The following ENTREP2 variants were observed in gnomAD, a reference collection of about 807,000 sequenced individuals.
ENTREP2 encodes the protein protein ENTREP2.
the ENTREP2 span, among the ~76,000 whole-genome samples, chr15:29,642,884 T>A: frequency 6.6e-6 from 1 of 152,146 alleles, no homozygotes; most frequent in Non-Finnish European, 1.5e-5. Context: ...AGTGCAGGGA[T>A]TACAGGCATG....
the ENTREP2 span, among the ~76,000 whole-genome samples, chr15:29,515,249 G>A: frequency 6.6e-6 from 1 of 152,184 alleles, no homozygotes; most frequent in Admixed American, 6.5e-5. Context: ...CCCGAGGACT[G>A]CTTTCTGGAG....
the ENTREP2 span, among the ~76,000 whole-genome samples, chr15:29,657,188 C>A: frequency 6.6e-6 from 1 of 151,914 alleles, no homozygotes; most frequent in African/African-American, 2.4e-5. Context: ...GCTGGGACTA[C>A]ACGCGCCCAC....
the ENTREP2 span, among the ~76,000 whole-genome samples, chr15:29,527,221 T>C: frequency 1.3e-5 from 2 of 152,186 alleles, no homozygotes; most frequent in African/African-American, 4.8e-5. Context: ...CTGCATCCAA[T>C]GCCATCCGTA....
chr15:29,335,377 C>A, the ENTREP2 span, among the ~76,000 whole-genome samples: 2 of 152,224 alleles, frequency 1.3e-5, no homozygotes, highest in Admixed American at 1.3e-4. Context: ...CAAACCACAT[C>A]ATACTCTGTG....
chr15:29,176,408 G>A, the ENTREP2 span, among the ~76,000 whole-genome samples: 2 of 152,182 alleles, frequency 1.3e-5, no homozygotes, highest in African/African-American at 2.4e-5. Flanking sequence ...GGGGCCATGA[G>A]GGGCAGGCTC....
the ENTREP2 span, among the ~76,000 whole-genome samples, chr15:29,614,742 G>C: frequency 7.2e-5 from 11 of 152,318 alleles, no homozygotes; most frequent in Admixed American, 2.6e-4. Flanking sequence ...GCACTGGGAA[G>C]GTAGAAGGTG....
the ENTREP2 span, among the ~76,000 whole-genome samples, chr15:29,203,292 C>G: frequency 0.024 from 3,653 of 152,250 alleles, 132 homozygotes; most frequent in African/African-American, 0.084. Flanking sequence ...GTTCCAGCTA[C>G]TGGGGAGGCT....
the ENTREP2 span, among the ~76,000 whole-genome samples, chr15:29,550,118 G>C: frequency 6.6e-6 from 1 of 152,142 alleles, no homozygotes; most frequent in Admixed American, 6.5e-5. Flanking sequence ...GACTTACTGT[G>C]GGGACATATC....
At chr15:29,667,223 C>T in the ENTREP2 span, among the ~76,000 whole-genome samples, 6 of 151,332 alleles carry the variant, frequency 4.0e-5, no homozygotes, top group African/African-American at 7.3e-5. Flanking sequence ...AGTCTCACTC[C>T]GTCTCCCAGG....
chr15:29,199,612 A>G, the ENTREP2 span, among the ~76,000 whole-genome samples: 2 of 152,230 alleles, frequency 1.3e-5, no homozygotes, highest in East Asian at 3.9e-4. Flanking sequence ...ATTTTAACTC[A>G]GCATAAAAGA....
the ENTREP2 span, among the ~76,000 whole-genome samples, chr15:29,263,469 G>A: frequency 6.6e-6 from 1 of 152,244 alleles, no homozygotes; most frequent in Non-Finnish European, 1.5e-5. Context: ...AGAAAAGCCA[G>A]TTATGTGGGA....
the ENTREP2 span, among the ~76,000 whole-genome samples, chr15:29,141,519 G>A: frequency 1.4e-4 from 22 of 152,142 alleles, no homozygotes; most frequent in African/African-American, 4.1e-4. Context: ...CAGAAACACC[G>A]TGGAGCTCTG....
At chr15:29,217,702 C>T in the ENTREP2 span, among the ~76,000 whole-genome samples, 3 of 151,802 alleles carry the variant, frequency 2.0e-5, no homozygotes, top group African/African-American at 7.3e-5. Flanking sequence ...CTTTGCCTTT[C>T]TCTGGTGCCT....
the ENTREP2 span, among the ~76,000 whole-genome samples, chr15:29,146,185 T>C: frequency 1.3e-5 from 2 of 152,334 alleles, no homozygotes; most frequent in African/African-American, 4.8e-5. Context: ...GGGTACCTCA[T>C]GTCCATAGGT....
chr15:29,464,876 G>A, the ENTREP2 span, among the ~76,000 whole-genome samples: 2 of 152,160 alleles, frequency 1.3e-5, no homozygotes, highest in Non-Finnish European at 2.9e-5. Flanking sequence ...CCTCAGAGAC[G>A]AGCCTCCCAA....
the ENTREP2 span, among the ~76,000 whole-genome samples, chr15:29,363,181 C>T: frequency 2.6e-5 from 4 of 152,016 alleles, no homozygotes; most frequent in Non-Finnish European, 4.4e-5. Context: ...AAAAAGGTCA[C>T]GACCTTGACT....
At chr15:29,520,905 G>A in the ENTREP2 span, among the ~76,000 whole-genome samples, 2 of 152,186 alleles carry the variant, frequency 1.3e-5, no homozygotes, top group Non-Finnish European at 2.9e-5. Flanking sequence ...CTACTGTAGA[G>A]AAAGATTAAA....
chr15:29,136,025 G>A, the ENTREP2 span, among the ~76,000 whole-genome samples: 4 of 152,206 alleles, frequency 2.6e-5, no homozygotes, highest in Non-Finnish European at 5.9e-5. Flanking sequence ...AGACGCACCT[G>A]GGCTGTGACT....
At chr15:29,131,814 G>A in the ENTREP2 span, among the ~76,000 whole-genome samples, 2 of 148,970 alleles carry the variant, frequency 1.3e-5, no homozygotes, top group African/African-American at 2.5e-5. Context: ...TGAACCATAC[G>A]CTTGCCACCC....
Sources: allele counts gnomAD v4.1 joint callset (sites outside exome capture counted in the v4.1 genomes callset), GRCh38; gene constraint gnomAD v4.1.1; transcripts MANE v1.5; gene names NCBI Gene and HGNC (gene_info 2026-07-23, HGNC 2026-07-21).